Variants in DDX31 observed in about 807,000 individuals in gnomAD.
DDX31 encodes the protein ATP-dependent DNA helicase DDX31.
DDX31 carries 70 observed loss-of-function variants against 91.3 expected under a neutral mutation model. The observed-to-expected ratio is 0.77, with a 90% CI of 0.63 to 0.94. The LOEUF is 0.94. Among genes scored for constraint, DDX31 ranks in the 40% least tolerant of loss-of-function variants. DDX31 has a pLI of 0.00. For missense variants in DDX31, 902 were observed against 925.0 expected (o/e 0.98, Z 0.32); for synonymous variants, 362 against 350.6 (o/e 1.03, Z -0.36).
rs1211175850 is a variant in DDX31, at chr9:132,662,521, T to C, written c.250A>G (p.Ser84Gly). Residue 84 changes from serine to glycine, a missense_variant, in exon 2 of 20, where the codon AGT (serine) becomes GGT (glycine). Transcript: ENST00000372159. Reference protein sequence around the residue: ...FSPKKHSVSTSDRNQEERQCI... With the variant: ...FSPKKHSVSTGDRNQEERQCI... Reference sequence around the variant, plus strand: ...TGTCTCTCCTCCTGGTTTCTATCACTTGTGCTAACCGAATGCTTCTTTGGA... The same window carrying C: ...TGTCTCTCCTCCTGGTTTCTATCACCTGTGCTAACCGAATGCTTCTTTGGA... 1 of 1,614,230 alleles carries C rather than the reference T, an allele frequency of 6.2e-7. No individual in the cohort carries two copies. Among genetic ancestry groups the C allele is most frequent in the East Asian group, 2.2e-5 (1 of 44,874 alleles).
chr9:132,647,533 G>A (rs1833914623), intron 11 of DDX31, among the ~76,000 whole-genome samples: 1 of 152,140 alleles, frequency 6.6e-6, no homozygotes, highest in Non-Finnish European at 1.5e-5. Context: ...TCAAAAATTA[G>A]AACATAGGGA....
intron 19 of DDX31, among the ~76,000 whole-genome samples, chr9:132,601,584 A>G (rs1830724228): frequency 6.6e-6 from 1 of 152,216 alleles, no homozygotes; most frequent in African/African-American, 2.4e-5. Context: ...CTGCACTAAC[A>G]GACGTGATTG....
At chr9:132,598,940 G>A (rs1238880777) in intron 19 of DDX31, among the ~76,000 whole-genome samples, 1 of 152,164 alleles carries the variant, frequency 6.6e-6, no homozygotes, top group Non-Finnish European at 1.5e-5. Context: ...ATCCACAACG[G>A]TCACTGAACA....
intron 18 of DDX31, 164 bp from the exon 19 acceptor site, chr9:132,612,419 A>T: frequency 7.3e-6 from 5 of 688,142 alleles, no homozygotes; most frequent in Non-Finnish European, 9.6e-6. Flanking sequence ...ACTTCTGTGT[A>T]TTTCTTCAAT....
intron 17 of DDX31, 79 bp from the exon 18 acceptor site, chr9:132,618,520 A>G: frequency 7.9e-7 from 1 of 1,264,846 alleles, no homozygotes; most frequent in East Asian, 2.5e-5. Context: ...TAGATTTAAT[A>G]ACAGTAAAAT....
chr9:132,617,549 T>C (rs909834648), intron 18 of DDX31, among the ~76,000 whole-genome samples: 3 of 152,024 alleles, frequency 2.0e-5, no homozygotes, highest in African/African-American at 4.8e-5. Context: ...AAAGAAAGGA[T>C]GCTACAGTGT....
intron 1 of DDX31, among the ~76,000 whole-genome samples, chr9:132,669,168 A>C (rs1003952126): frequency 6.6e-6 from 1 of 152,092 alleles, no homozygotes; most frequent in African/African-American, 2.4e-5. Context: ...GTAGACTCTT[A>C]ATCTCTTTAG....
rs1172671288 is a variant in DDX31, at chr9:132,651,356, T to C, written c.634-240A>G. On this transcript the variant is annotated intron_variant, in intron 7 of 19. Transcript: ENST00000372159. ...TTGGACATACACAAAAATAGTGTTT[T>C]GTGCTCCCTCTGCTGGCTCAAATTC... 2.6e-5 allele frequency among the ~76,000 whole-genome samples: 4 copies of C among 152,230 alleles called. No homozygotes were observed. In the South Asian group the frequency reaches 8.3e-4, roughly 31 times the overall value.
chr9:132,663,356 C>G, intron 1 of DDX31: 9 of 1,282,032 alleles, frequency 7.0e-6, no homozygotes, highest in Non-Finnish European at 9.1e-6. Context: ...TCACCTCTAC[C>G]ACAATTACTT....
chr9:132,619,076 C>T (rs1185696499), intron 17 of DDX31, among the ~76,000 whole-genome samples: 1 of 152,184 alleles, frequency 6.6e-6, no homozygotes, highest in Non-Finnish European at 1.5e-5. Context: ...TGGATCTTTG[C>T]AGCAAATCGT....
At chr9:132,638,162 G>A in intron 14 of DDX31, 1 of 1,388,926 alleles carries the variant, frequency 7.2e-7, no homozygotes, top group Non-Finnish European at 9.3e-7. Context: ...TTTCCTTTCT[G>A]GGAAAAAGGT....
chr9:132,650,008 T>C (rs1210749646), intron 9 of DDX31, among the ~76,000 whole-genome samples: 3 of 152,182 alleles, frequency 2.0e-5, no homozygotes, highest in Non-Finnish European at 2.9e-5. Flanking sequence ...GACAGCACTG[T>C]TACTAGCAAC....
intron 14 of DDX31, among the ~76,000 whole-genome samples, chr9:132,632,844 C>A (rs1176231842): frequency 6.6e-6 from 1 of 152,146 alleles, no homozygotes; most frequent in African/African-American, 2.4e-5. Flanking sequence ...TTTTATGTAT[C>A]TTTTCAACTA....
chr9:132,597,642 G>A (rs306544), intron 19 of DDX31, among the ~76,000 whole-genome samples: 2,427 of 152,280 alleles, frequency 0.016, 71 homozygotes, highest in African/African-American at 0.056. Context: ...GAAGCGGTGC[G>A]GGCTGCGGGA....
chr9:132,648,506 C>G lies in DDX31; in HGVS notation c.786G>C (p.Leu262=). ...INILISTPGR[L]VDHIKSTKNI... ...TCTTTGTGGATTTTATATGATCCAC[C>G]AGGCGTCCAGGAGTTGAGATAAGGA... is the stretch of plus-strand genomic sequence containing the variant. The change falls in exon 10 of 20, where the codon CTG becomes CTC. Residue 262 remains leucine (L), a synonymous_variant. Coordinates refer to ENST00000372159, the MANE Select transcript of DDX31 (RefSeq NM_022779.9). 6.2e-7 allele frequency: 1 copy of G among 1,613,864 alleles called. No homozygotes were observed. Among genetic ancestry groups the G allele is most frequent in the Non-Finnish European group, 8.5e-7 (1 of 1,179,938 alleles).
intron 17 of DDX31, among the ~76,000 whole-genome samples, chr9:132,619,459 C>T (rs545061554): frequency 6.0e-4 from 91 of 152,208 alleles, no homozygotes; most frequent in African/African-American, 2.0e-3. Context: ...GGTGTATGAG[C>T]GCCTGCATCT....
rs1564265122 is a variant in DDX31, at chr9:132,593,609, TCA to T, written c.*1255_*1256del. 1.3e-5 allele frequency: 2 copies of T among 151,988 alleles called. No individual in the cohort carries two copies. The highest frequency in any genetic ancestry group is 2.4e-5 in the African/African-American group (1 of 41,238). The allele number at this position is 151,988 out of a possible 1,614,324, so 9.4% of individuals were successfully genotyped here. On this transcript the variant is annotated 3_prime_UTR_variant, in exon 20 of 20. Coordinates refer to ENST00000372159, the MANE Select transcript of DDX31 (RefSeq NM_022779.9). ...AGTCTCACTAGGCTCCTCCTTGCCC[TCA>T]CACTGGAGTCTCCGCCAGTGTGGGT...
rs546742444 is a variant in DDX31, at chr9:132,663,326, T to C, written c.76-631A>G. 6.9e-4 allele frequency: 884 copies of C among 1,288,852 alleles called. 1 individual carries two copies. The highest frequency in any genetic ancestry group is 3.4e-3 in the Middle Eastern group (16 of 4,688). The allele number at this position is 1,288,852 out of a possible 1,614,324, so 79.8% of individuals were successfully genotyped here. A position where few individuals can be genotyped will look rare whatever the true frequency, so the allele number is the denominator to read the frequency against. ...TCCTACGCCCTGTTCCCATTCCAAATGAGAATGCTGCTCCATCCATCACCT... is the reference window on the plus strand; with the variant it reads ...TCCTACGCCCTGTTCCCATTCCAAACGAGAATGCTGCTCCATCCATCACCT... On this transcript the variant is annotated intron_variant, in intron 1 of 19. Transcript: ENST00000372159.
rs181629883 is a variant in DDX31 at position 132,602,530 on chromosome 9, A to C, written c.1995-7418T>G. ...CTGCTGAGTTGGAATCAAACTCAGG[A>C]ATGTTGGCTTCAAAACCCACGCTCC... On this transcript the variant is annotated intron_variant, in intron 19 of 19. Transcript: ENST00000372159. Among the ~76,000 whole-genome samples, 145 of 152,328 alleles carry C rather than the reference A, an allele frequency of 9.5e-4. 1 individual carries two copies. Among genetic ancestry groups the C allele is most frequent in the Non-Finnish European group, 1.8e-3 (123 of 68,034 alleles).
Sources: allele counts gnomAD v4.1 joint callset (sites outside exome capture counted in the v4.1 genomes callset), GRCh38; gene constraint gnomAD v4.1.1; transcripts MANE v1.5; gene names NCBI Gene and HGNC (gene_info 2026-07-23, HGNC 2026-07-21).